Variants in MYO6 observed in about 807,000 individuals in gnomAD.
MYO6 encodes unconventional myosin-VI.
A neutral mutation model predicts 178.7 loss-of-function variants in MYO6; 74 were observed. The observed-to-expected ratio is 0.41, with a 90% CI of 0.34 to 0.50. MYO6 has a LOEUF of 0.50. Among genes scored for constraint, MYO6 ranks in the 20% least tolerant of loss-of-function variants. The pLI, the probability that MYO6 is intolerant of heterozygous loss-of-function variation, is 0.09. For synonymous variants in MYO6, 477 were observed against 504.6 expected (o/e 0.95, Z 0.73); for missense variants, 1,330 against 1,547.4 (o/e 0.86, Z 2.36).
intron 26 of MYO6, 108 bp downstream of exon 26, chr6:75,890,373 G>T (rs1051182098): frequency 1.1e-5 from 17 of 1,482,128 alleles, no homozygotes; most frequent in African/African-American, 9.8e-5. Flanking sequence ...TTGTGACAGG[G>T]TCTTGCTCTG....
intron 1 of MYO6, among the ~76,000 whole-genome samples, chr6:75,815,443 T>G (rs185656306): frequency 2.0e-5 from 3 of 152,308 alleles, no homozygotes; most frequent in Admixed American, 2.0e-4. Context: ...AGTGGAGGTT[T>G]CGGCTAGAGC....
intron 20 of MYO6, among the ~76,000 whole-genome samples, chr6:75,875,341 C>T (rs6942292): frequency 1.6e-4 from 24 of 152,334 alleles, no homozygotes; most frequent in African/African-American, 5.1e-4. Flanking sequence ...GTGGCACAAT[C>T]ATGGCTCACT....
chr6:75,911,600 A>C, intron 32 of MYO6, 72 bp from the exon 33 acceptor site: 1 of 1,358,142 alleles, frequency 7.4e-7, no homozygotes, highest in South Asian at 1.2e-5. Context: ...AAGGCTTTAT[A>C]AATTAGAAAA....
intron 2 of MYO6, among the ~76,000 whole-genome samples, chr6:75,821,432 A>G (rs1036847494): frequency 6.6e-6 from 1 of 152,210 alleles, no homozygotes; most frequent in Non-Finnish European, 1.5e-5. Context: ...CTTAATGCAC[A>G]TGATGGGTTA....
At chr6:75,914,409 T>A in intron 34 of MYO6, 128 bp downstream of exon 34, 1 of 952,948 alleles carries the variant, frequency 1.0e-6, no homozygotes, top group Non-Finnish European at 1.6e-6. Flanking sequence ...GTCTTGCGGT[T>A]AAATCACATT....
chr6:75,836,542 A>G (rs1773662619), intron 7 of MYO6, among the ~76,000 whole-genome samples: 1 of 150,460 alleles, frequency 6.6e-6, no homozygotes, highest in Non-Finnish European at 1.5e-5. Context: ...TCCTTAATCC[A>G]GTCTCTGTAT....
At chr6:75,785,070 C>T (rs1767400557) in intron 1 of MYO6, among the ~76,000 whole-genome samples, 1 of 151,996 alleles carries the variant, frequency 6.6e-6, no homozygotes, top group Non-Finnish European at 1.5e-5. Flanking sequence ...TTCATCTAGT[C>T]ATTTATTCAA....
intron 1 of MYO6, among the ~76,000 whole-genome samples, chr6:75,810,016 G>A (rs1488986947): frequency 3.3e-5 from 5 of 151,070 alleles, no homozygotes; most frequent in East Asian, 3.9e-4. Flanking sequence ...CCCTGGAGGC[G>A]GAGGTTTCAG....
chr6:75,794,595 T>C (rs867153557), intron 1 of MYO6, among the ~76,000 whole-genome samples: 3 of 152,072 alleles, frequency 2.0e-5, no homozygotes, highest in South Asian at 2.1e-4. Context: ...AAGACCCTAT[T>C]GAGCATGAAA....
Position 75,835,885 on chromosome 6 carries a change from C to G in MYO6, c.498-16C>G. The G allele has an allele frequency of 6.7e-7, 1 of 1,498,432 alleles. No individual in the cohort carries two copies. The highest frequency in any genetic ancestry group is 9.3e-7 in the Non-Finnish European group (1 of 1,074,948). 92.8% of individuals were successfully genotyped at this position (1,498,432 alleles called of 1,614,324 possible). On this transcript the variant is annotated splice_polypyrimidine_tract_variant and intron_variant, in intron 6 of 34. Coordinates refer to ENST00000369977, the MANE Select transcript of MYO6 (RefSeq NM_004999.4). ...TATTATTGTCATCAACATTTTTTAT[C>G]CTATATTTTAAACAGATACCTGACT...
At chr6:75,787,764 ATTTT>A (rs1248489922) in intron 1 of MYO6, among the ~76,000 whole-genome samples, 9 of 73,242 alleles carry the variant, frequency 1.2e-4, no homozygotes, top group African/African-American at 2.7e-4. Flanking sequence ...ATATATATGT[ATTTT>A]TTTTTTTTTT....
At chr6:75,863,673 A>G (rs1258693227) in intron 16 of MYO6, among the ~76,000 whole-genome samples, 1 of 152,054 alleles carries the variant, frequency 6.6e-6, no homozygotes, top group East Asian at 1.9e-4. Flanking sequence ...TTTAGTAGAG[A>G]CGGGGTTTCA....
intron 3 of MYO6, among the ~76,000 whole-genome samples, chr6:75,823,239 G>A (rs1772088604): frequency 6.6e-6 from 1 of 152,094 alleles, no homozygotes; most frequent in Non-Finnish European, 1.5e-5. Context: ...TAACATCACC[G>A]TTTGAAGCAA....
chr6:75,807,426 T>G (rs1462371493), intron 1 of MYO6, among the ~76,000 whole-genome samples: 2 of 152,234 alleles, frequency 1.3e-5, no homozygotes, highest in Non-Finnish European at 2.9e-5. Flanking sequence ...CAAAGCCTTC[T>G]TCCTCTCTCT....
At chr6:75,820,540 G>A (rs1038167377) in intron 2 of MYO6, among the ~76,000 whole-genome samples, 1 of 151,700 alleles carries the variant, frequency 6.6e-6, no homozygotes, top group African/African-American at 2.4e-5. Context: ...TGGCTAATTT[G>A]TTGTATTTTT....
chr6:75,772,046 A>T (rs543937409), intron 1 of MYO6, among the ~76,000 whole-genome samples: 109 of 152,314 alleles, frequency 7.2e-4, no homozygotes, highest in Middle Eastern at 6.8e-3. Flanking sequence ...GGTACACTTG[A>T]TACAAAATTT....
At position 75,918,604 on chromosome 6, in the gene MYO6, C is replaced by T. The variant is rs1056576293; in HGVS notation, c.*3592C>T. 3 of 152,212 alleles carry T rather than the reference C, an allele frequency of 2.0e-5. No homozygotes were observed. Among genetic ancestry groups the T allele is most frequent in the Admixed American group, 1.3e-4 (2 of 15,278 alleles). The allele number at this position is 152,212 out of a possible 1,614,324, so 9.4% of individuals were successfully genotyped here. A position where few individuals can be genotyped will look rare whatever the true frequency, so the allele number is the denominator to read the frequency against. ...AAATAGGCATTCTGTACATAAGCCT[C>T]ATGGAAGGGTAAGATGGAGAGACTG... On this transcript the variant is annotated 3_prime_UTR_variant, in exon 35 of 35. Coordinates refer to ENST00000369977, the MANE Select transcript of MYO6 (RefSeq NM_004999.4).
chr6:75,913,222 G>A (rs1582016991), intron 33 of MYO6, among the ~76,000 whole-genome samples: 1 of 152,086 alleles, frequency 6.6e-6, no homozygotes, highest in East Asian at 1.9e-4. Flanking sequence ...TTGCCCCAGG[G>A]AAATGTTTAC....
intron 33 of MYO6, among the ~76,000 whole-genome samples, chr6:75,913,189 A>G (rs929227212): frequency 1.3e-5 from 2 of 152,204 alleles, no homozygotes; most frequent in African/African-American, 4.8e-5. Flanking sequence ...AACCAAAATT[A>G]TGCTGCTAAA....
Sources: gnomAD v4.1 joint callset for allele counts (sites outside exome capture counted in the v4.1 genomes callset) on GRCh38, gnomAD v4.1.1 for gene constraint, MANE v1.5 for transcripts, NCBI Gene and HGNC (gene_info 2026-07-23, HGNC 2026-07-21) for gene names.